Variants in MAD1L1 observed in about 807,000 individuals in gnomAD.
The protein encoded by MAD1L1 is mitotic arrest deficient 1 like 1.
In MAD1L1, 95 loss-of-function variants were observed where a neutral mutation model predicts 96.9. That is an observed-to-expected ratio of 0.98 (90% confidence interval 0.83 to 1.16). The LOEUF (loss-of-function observed/expected upper bound fraction) is 1.16. Among genes scored for constraint, MAD1L1 ranks in the 50% most tolerant of loss-of-function variants. The pLI is 0.00. For synonymous variants in MAD1L1, 473 were observed against 396.6 expected, an observed-to-expected ratio of 1.19 and a Z score of -2.29; for missense variants, 1,007 against 954.4, an observed-to-expected ratio of 1.06 and a Z score of -0.73.
At chr7:1,919,746 T>A (rs1261052185) in intron 17 of MAD1L1, among the ~76,000 whole-genome samples, 1 of 152,270 alleles carries the variant, frequency 6.6e-6, no homozygotes, top group African/African-American at 2.4e-5. Flanking sequence ...GTCACATGGC[T>A]GCTGGTGCAG....
intron 18 of MAD1L1, among the ~76,000 whole-genome samples, chr7:1,873,085 G>A (rs975537490): frequency 1.3e-5 from 2 of 152,270 alleles, no homozygotes; most frequent in East Asian, 1.9e-4. Context: ...GCTGCATGCC[G>A]AGCCGTGGAG....
At chr7:2,147,404 CCCACACAGGGCAATAAGCCACA>C (rs1424945199) in intron 11 of MAD1L1, among the ~76,000 whole-genome samples, 3 of 152,222 alleles carry the variant, frequency 2.0e-5, no homozygotes. Context: ...GCTAAAGAAG[CCCACACAGGGCAATAAGCCACA>C]CGTGGGACAG....
intron 10 of MAD1L1, among the ~76,000 whole-genome samples, chr7:2,202,628 C>T (rs1792373230): frequency 6.6e-6 from 1 of 152,236 alleles, no homozygotes; most frequent in Non-Finnish European, 1.5e-5. Context: ...CCCCCTCCTC[C>T]TCCCATGCCC....
At chr7:1,957,406 G>A (rs778651371) in intron 16 of MAD1L1, among the ~76,000 whole-genome samples, 31 of 152,242 alleles carry the variant, frequency 2.0e-4, no homozygotes, top group Non-Finnish European at 3.5e-4. Flanking sequence ...CACCAGGCGT[G>A]TGGGTGGTGC....
chr7:2,164,060 C>A (rs565659920), intron 10 of MAD1L1, among the ~76,000 whole-genome samples: 1 of 152,288 alleles, frequency 6.6e-6, no homozygotes, highest in Admixed American at 6.5e-5. Context: ...AAAATGGGAA[C>A]AGTTACAGTC....
Position 2,146,409 on chromosome 7 carries a change from C to A in MAD1L1, c.1073+2743G>T, listed in dbSNP as rs982301287. Among the ~76,000 whole-genome samples, 2 of 152,128 alleles carry A rather than the reference C, an allele frequency of 1.3e-5. No homozygotes were observed. Among genetic ancestry groups the A allele is most frequent in the African/African-American group, 4.8e-5 (2 of 41,404 alleles). ...CGAAGAGGGAGCACCGGGCACTGGG[C>A]TACGAGGAACAGGGCAGTGGAGCCG... On this transcript the variant is annotated intron_variant, in intron 11 of 18. Transcript: ENST00000265854. The surrounding 1 kb of genome is among the most constrained non-coding windows in gnomAD (Gnocchi z 6.2).
chr7:1,943,606 G>A (rs1283672467), intron 16 of MAD1L1, among the ~76,000 whole-genome samples: 1 of 152,142 alleles, frequency 6.6e-6, no homozygotes, highest in Non-Finnish European at 1.5e-5. Flanking sequence ...GGGAAGTCAC[G>A]CAACAACACG....
At chr7:2,027,074 TAAAC>T (rs1330192031) in intron 12 of MAD1L1, among the ~76,000 whole-genome samples, 2 of 151,782 alleles carry the variant, frequency 1.3e-5, no homozygotes, top group Non-Finnish European at 2.9e-5. Context: ...AACATGACAA[TAAAC>T]AACTTTACAC....
At chr7:2,136,969 G>A (rs1040481629) in intron 11 of MAD1L1, among the ~76,000 whole-genome samples, 1 of 152,204 alleles carries the variant, frequency 6.6e-6, no homozygotes, top group African/African-American at 2.4e-5. Flanking sequence ...CAAGTCCACT[G>A]ATGATGCCCT....
intron 10 of MAD1L1, among the ~76,000 whole-genome samples, chr7:2,172,142 G>A (rs919936915): frequency 1.3e-5 from 2 of 152,142 alleles, no homozygotes; most frequent in African/African-American, 2.4e-5. Flanking sequence ...GAGGACTGCT[G>A]GAGTGAAGGC....
chr7:2,115,893 C>T, intron 11 of MAD1L1, among the ~76,000 whole-genome samples: 1 of 152,238 alleles, frequency 6.6e-6, no homozygotes. Flanking sequence ...TCCCACTTCC[C>T]CTTCCTCCTG....
intron 17 of MAD1L1, among the ~76,000 whole-genome samples, chr7:1,903,880 G>T (rs529035640): frequency 1.5e-4 from 19 of 129,470 alleles, no homozygotes; most frequent in Admixed American, 2.4e-4. Context: ...AGTGGCCTAT[G>T]GAAGATGCTC....
At chr7:2,063,755 T>C (rs920823794) in intron 12 of MAD1L1, among the ~76,000 whole-genome samples, 1 of 152,186 alleles carries the variant, frequency 6.6e-6, no homozygotes, top group Non-Finnish European at 1.5e-5. Flanking sequence ...ACACCCGCCT[T>C]TGTCATGGCC....
At chr7:2,152,418 GA>G (rs1328254024) in intron 10 of MAD1L1, among the ~76,000 whole-genome samples, 2 of 152,230 alleles carry the variant, frequency 1.3e-5, no homozygotes, top group Non-Finnish European at 2.9e-5. Flanking sequence ...CTCTTGCGCT[GA>G]AAAACCCGCA....
intron 18 of MAD1L1, among the ~76,000 whole-genome samples, chr7:1,884,860 T>TG (rs1236708898): frequency 2.0e-5 from 3 of 152,020 alleles, no homozygotes; most frequent in Admixed American, 1.3e-4. Flanking sequence ...GGGCAGGCCG[T>TG]GGGGCAAGGG....
chr7:2,215,874 C>G lies in MAD1L1; in HGVS notation c.924+11G>C. On this transcript the variant is annotated intron_variant, in intron 9 of 18. Transcript: ENST00000265854. ...ACACCCACAGGAACCGCACACCACA[C>G]AGGCCCTCACCTCGTTCTCCAGCTC... 1 of 1,613,688 alleles carries G rather than the reference C, an allele frequency of 6.2e-7. No homozygotes were observed.
intron 11 of MAD1L1, among the ~76,000 whole-genome samples, chr7:2,133,558 G>A (rs549956899): frequency 3.9e-5 from 6 of 152,300 alleles, no homozygotes; most frequent in African/African-American, 7.2e-5. Context: ...CAACTCTAAC[G>A]AGGTCCATCT....
At chr7:2,096,183 G>A (rs1393111623) in intron 11 of MAD1L1, among the ~76,000 whole-genome samples, 4 of 152,236 alleles carry the variant, frequency 2.6e-5, no homozygotes, top group Non-Finnish European at 5.9e-5. Flanking sequence ...TGAGGACAGG[G>A]AGGGTCCTGA....
At chr7:2,075,667 C>T (rs560109917) in intron 11 of MAD1L1, among the ~76,000 whole-genome samples, 11 of 152,332 alleles carry the variant, frequency 7.2e-5, no homozygotes, top group African/African-American at 2.6e-4. Context: ...TGCGCTGTGA[C>T]CAGCCACTGC....
Sources: gnomAD v4.1 joint callset for allele counts (sites outside exome capture counted in the v4.1 genomes callset) on GRCh38, gnomAD v4.1.1 for gene constraint, Gnocchi (gnomAD v3.1) non-coding constraint, MANE v1.5 for transcripts, NCBI Gene and HGNC (gene_info 2026-07-23, HGNC 2026-07-21) for gene names.